The following PCDHA10 variants were observed in gnomAD, a reference collection of about 807,000 sequenced individuals.
PCDHA10 encodes the protein protocadherin alpha 10, also known as protocadherin alpha-10.
A neutral mutation model predicts 61.2 loss-of-function variants in PCDHA10; 45 were observed. The ratio of observed to expected loss-of-function variants is 0.74; its 90% CI spans 0.58 to 0.94. PCDHA10 has a LOEUF of 0.94. Ranked by LOEUF, PCDHA10 falls within the 40% of genes least tolerant of loss-of-function variation. PCDHA10 has a pLI of 0.00. For synonymous variants in PCDHA10, 602 were observed against 548.8 expected, an observed-to-expected ratio of 1.10 and a Z score of -1.35; for missense variants, 1,278 against 1,236.2, an observed-to-expected ratio of 1.03 and a Z score of -0.51.
At chr5:140,975,309 T>C (rs182558596) in intron 1 of PCDHA10, among the ~76,000 whole-genome samples, 161 of 152,342 alleles carry the variant, frequency 1.1e-3, no homozygotes, top group African/African-American at 3.2e-3. Flanking sequence ...CTCATGTGAT[T>C]ATGTCAGTCC....
intron 1 of PCDHA10, among the ~76,000 whole-genome samples, chr5:140,932,619 A>T (rs535899807): frequency 5.3e-5 from 8 of 152,056 alleles, no homozygotes; most frequent in African/African-American, 1.9e-4. Context: ...TGAAGCTGAT[A>T]ACCACACTAA....
intron 1 of PCDHA10, chr5:140,877,567 T>C (rs1487907484): frequency 6.2e-7 from 1 of 1,613,664 alleles, no homozygotes; most frequent in East Asian, 2.2e-5. Context: ...TATTAACGTG[T>C]ACCTCATCAT....
chr5:140,995,812 G>A (rs2097699173), intron 3 of PCDHA10, among the ~76,000 whole-genome samples: 1 of 152,202 alleles, frequency 6.6e-6, no homozygotes, highest in Non-Finnish European at 1.5e-5. Flanking sequence ...TTTCTGAAGG[G>A]AGATAGCCTG....
chr5:140,911,223 G>A (rs1305979222), intron 1 of PCDHA10, among the ~76,000 whole-genome samples: 1 of 152,148 alleles, frequency 6.6e-6, no homozygotes, highest in Non-Finnish European at 1.5e-5. Flanking sequence ...TGAGAAAGCT[G>A]TTTCTTCTGG....
chr5:140,892,658 A>G (rs1202553509), intron 1 of PCDHA10, among the ~76,000 whole-genome samples: 4 of 152,202 alleles, frequency 2.6e-5, no homozygotes, highest in African/African-American at 9.7e-5. Context: ...ATACAGAGTG[A>G]CATTTTGATA....
chr5:140,858,574 T>C (rs1415497561), intron 1 of PCDHA10, 138 bp downstream of exon 1: 12 of 1,357,674 alleles, frequency 8.8e-6, no homozygotes, highest in Non-Finnish European at 1.0e-5. Context: ...GTGATACCTT[T>C]GTAATATAAT....
intron 1 of PCDHA10, among the ~76,000 whole-genome samples, chr5:140,920,769 G>T (rs2153558518): frequency 6.6e-6 from 1 of 151,918 alleles, no homozygotes; most frequent in African/African-American, 2.4e-5. Context: ...GCTTACACCT[G>T]GGAGGTGGAG....
At chr5:140,884,376 C>T (rs1554181489) in intron 1 of PCDHA10, 2 of 1,613,982 alleles carry the variant, frequency 1.2e-6, no homozygotes, top group Non-Finnish European at 1.7e-6. Context: ...TTGATCATTG[C>T]CATCTGCGCG....
intron 1 of PCDHA10, among the ~76,000 whole-genome samples, chr5:140,872,606 A>AT (rs1302987061): frequency 6.6e-6 from 1 of 151,888 alleles, no homozygotes; most frequent in Non-Finnish European, 1.5e-5. Context: ...TGAAAAAATA[A>AT]TTTTTTTTGC....
At chr5:140,880,317 A>C (rs1295276378) in intron 1 of PCDHA10, among the ~76,000 whole-genome samples, 1 of 152,248 alleles carries the variant, frequency 6.6e-6, no homozygotes, top group East Asian at 1.9e-4. Flanking sequence ...ACAAGTAAAA[A>C]ATAAGATACT....
intron 1 of PCDHA10, chr5:140,878,055 C>T: frequency 2.2e-6 from 1 of 449,762 alleles, no homozygotes; most frequent in Non-Finnish European, 3.6e-6. Context: ...GAGCACCACA[C>T]TTAATATTTT....
Position 140,857,005 on chromosome 5 carries a change from A to C in PCDHA10, c.957A>C (p.Val319=). The C allele has an allele frequency of 6.3e-7, 1 of 1,595,528 alleles. No homozygotes were observed. The highest frequency in any genetic ancestry group is 2.2e-5 in the East Asian group (1 of 44,862). ...FEDSNTYEIH[V]DVTDKGNPPM... is the part of the protein sequence containing the mutation. The stretch of plus-strand genomic sequence containing the variant: ...ACAGTAACACTTATGAAATTCATGT[A>C]GATGTTACAGATAAGGGAAACCCAC... The change falls in exon 1 of 4, where the codon GTA becomes GTC. Residue 319 remains valine (V), a synonymous_variant. Transcript: ENST00000307360.
In PCDHA10 at chr5:140,856,566, C is replaced by T. The variant is rs2044089469; in HGVS notation, c.518C>T (p.Pro173Leu). Residue 173 changes from proline to leucine, a missense_variant, in exon 1 of 4, where the codon CCA (proline) becomes CTA (leucine). Physicochemically the swap from Pro to Leu is moderately conservative, Grantham distance 98 (BLOSUM62 -3). Transcript: ENST00000307360. ...GCATTGCTTACTTACAAACTCAGTC[C>T]AAATGAGTATTTTGTTCTTGATATT... is the stretch of plus-strand genomic sequence containing the variant. ...ENALLTYKLS[P>L]NEYFVLDIIN... is the part of the protein sequence containing the mutation. 2.5e-6 allele frequency: 4 copies of T among 1,597,124 alleles called. 1 individual carries two copies. Among genetic ancestry groups the T allele is most frequent in the Non-Finnish European group, 3.4e-6 (4 of 1,166,856 alleles).
intron 1 of PCDHA10, among the ~76,000 whole-genome samples, chr5:140,901,405 G>C (rs1366026091): frequency 6.6e-6 from 1 of 152,128 alleles, no homozygotes; most frequent in Non-Finnish European, 1.5e-5. Context: ...TGAGAGATAG[G>C]GGTCTAGTTT....
At chr5:140,984,228 G>A (rs374551349) in intron 3 of PCDHA10, among the ~76,000 whole-genome samples, 180 of 152,262 alleles carry the variant, frequency 1.2e-3, no homozygotes, top group African/African-American at 4.0e-3. Context: ...TTGCTCTTAT[G>A]GAGGCATTGT....
chr5:140,995,998 C>T (rs1197239441), intron 3 of PCDHA10, among the ~76,000 whole-genome samples: 1 of 152,192 alleles, frequency 6.6e-6, no homozygotes, highest in Non-Finnish European at 1.5e-5. Context: ...TCAAAAATGT[C>T]GTCAGAACTA....
intron 1 of PCDHA10, chr5:140,870,634 G>C: frequency 6.2e-7 from 1 of 1,612,862 alleles, no homozygotes; most frequent in Non-Finnish European, 8.5e-7. Context: ...GTCGGTGCAC[G>C]CGGAGAGCGG....
chr5:140,967,391 C>T, intron 1 of PCDHA10: 1 of 1,609,676 alleles, frequency 6.2e-7, no homozygotes, highest in South Asian at 1.1e-5. Flanking sequence ...AGTGCTTGAG[C>T]TGGTGCTGCG....
chr5:140,883,575 G>A (rs782472492), intron 1 of PCDHA10: 2 of 1,614,072 alleles, frequency 1.2e-6, no homozygotes, highest in Non-Finnish European at 1.7e-6. Flanking sequence ...CCTTCGCTGT[G>A]GGCCACGGCC....
Sources: gnomAD v4.1 joint callset for allele counts (sites outside exome capture counted in the v4.1 genomes callset) on GRCh38, gnomAD v4.1.1 for gene constraint, MANE v1.5 for transcripts, NCBI Gene and HGNC (gene_info 2026-07-23, HGNC 2026-07-21) for gene names.